Variants in FAM110C observed in about 807,000 individuals in gnomAD.
The protein encoded by FAM110C is protein FAM110C.
Under a neutral mutation model 15.7 loss-of-function variants are expected in FAM110C, and 19 were observed. The ratio of observed to expected loss-of-function variants is 1.21; its 90% CI spans 0.85 to 1.78. FAM110C has a LOEUF of 1.78. FAM110C is among the 40% of genes most tolerant of loss of function. FAM110C has a pLI of 0.00. For synonymous variants in FAM110C, 275 were observed against 233.9 expected (o/e 1.18, Z -1.61); for missense variants, 547 against 495.7 (o/e 1.10, Z -0.98).
intron 1 of FAM110C, chr2:45,074 G>A (rs1450815381): frequency 1.0e-6 from 1 of 985,294 alleles, no homozygotes; most frequent in Admixed American, 6.1e-5. Context: ...GCTGTTTTCA[G>A]CTCAGGAAAG....
Position 46,290 on chromosome 2 carries a change from C to G in FAM110C, c.96G>C (p.Ala32=). 7.4e-7 allele frequency: 1 copy of G among 1,349,602 alleles called. No homozygotes were observed. Among genetic ancestry groups the G allele is most frequent in the Non-Finnish European group, 9.5e-7 (1 of 1,055,136 alleles). 83.6% of individuals were successfully genotyped at this position (1,349,602 alleles called of 1,614,324 possible). The change falls in exon 1 of 2, where the codon GCG becomes GCC. Residue 32 remains alanine (A), a synonymous_variant. Coordinates refer to ENST00000327669, the MANE Select transcript of FAM110C (RefSeq NM_001077710.3). ...CCAGCCTCTCCACTGCGCTCCTGCG[C>G]GCCGGCCGCGCGGCGTCGGGGTCCC... ...ATRDPDAARP[A]RRSAVERLAA...
In FAM110C at chr2:46,025, T is replaced by A; in HGVS notation, c.361A>T (p.Ser121Cys). 1 of 1,502,296 alleles carries A rather than the reference T, an allele frequency of 6.7e-7. No individual in the cohort carries two copies. The highest frequency in any genetic ancestry group is 8.8e-7 in the Non-Finnish European group (1 of 1,132,522). 93.1% of individuals were successfully genotyped at this position (1,502,296 alleles called of 1,614,324 possible). ...CCCTGGAAGAGCTTCTTCACCAGGC[T>A]TGCCCTGGGGCCGTCGGCGCCCGAT... The part of the protein sequence containing the change: ...RGSGADGPRA[S>C]LVKKLFQGPG... The change falls in exon 1 of 2, where the codon AGC (serine) becomes TGC (cysteine). Residue 121 changes from serine to cysteine, a missense_variant. Ser to Cys is a moderately radical substitution (Grantham distance 112). Coordinates refer to ENST00000327669, the MANE Select transcript of FAM110C (RefSeq NM_001077710.3).
At position 41,639 on chromosome 2, in the gene FAM110C, A is replaced by C; in HGVS notation, c.947-12T>G. 6.2e-7 allele frequency: 1 copy of C among 1,613,428 alleles called. No individual in the cohort carries two copies. On this transcript the variant is annotated splice_polypyrimidine_tract_variant and intron_variant, in intron 1 of 1. Coordinates refer to ENST00000327669, the MANE Select transcript of FAM110C (RefSeq NM_001077710.3). ...GGAAGGTTTGCTTCCTGAGGAGTTA[A>C]AGAAAAAATAGTGAATCAACTCCAG...
intron 1 of FAM110C, chr2:43,248 C>T (rs1202800955): frequency 1.0e-6 from 1 of 985,302 alleles, no homozygotes; most frequent in Non-Finnish European, 1.2e-6. Context: ...GTGCTGGTGA[C>T]TGCCAATTCC....
rs1375155915 is a variant in FAM110C at position 46,425 on chromosome 2, G to A, written c.-40C>T. 6.4e-6 allele frequency: 8 copies of A among 1,250,072 alleles called. No individual in the cohort carries two copies. Among genetic ancestry groups the A allele is most frequent in the Non-Finnish European group, 8.0e-6 (8 of 994,142 alleles). 77.4% of individuals were successfully genotyped at this position (1,250,072 alleles called of 1,614,324 possible). A position where few individuals can be genotyped will look rare whatever the true frequency, so the allele number is the denominator to read the frequency against. ...GACCGACCGGGGTTCCGGGTCCAGCGGAGACGCGCTCGAGTGGTAGAGCCA... is the reference window on the plus strand; with the variant it reads ...GACCGACCGGGGTTCCGGGTCCAGCAGAGACGCGCTCGAGTGGTAGAGCCA... On this transcript the variant is annotated 5_prime_UTR_variant, in exon 1 of 2. Coordinates refer to ENST00000327669, the MANE Select transcript of FAM110C (RefSeq NM_001077710.3).
intron 1 of FAM110C, chr2:43,131 T>A (rs1462470341): frequency 1.0e-6 from 1 of 985,344 alleles, no homozygotes; most frequent in Non-Finnish European, 1.2e-6. Flanking sequence ...GTTCTCCTCA[T>A]ACACCCCACC....
In FAM110C at chr2:41,343, G is replaced by T; in HGVS notation, c.*265C>A. On this transcript the variant is annotated 3_prime_UTR_variant, in exon 2 of 2. Transcript: ENST00000327669. Reference sequence around the variant, plus strand: ...CAAAAAGATTTCCAAACAGCTTTACGGTTTCCAGCTGCCCTCTGGAAGCAA... The same window carrying T: ...CAAAAAGATTTCCAAACAGCTTTACTGTTTCCAGCTGCCCTCTGGAAGCAA... 1 of 397,188 alleles carries T rather than the reference G, an allele frequency of 2.5e-6. No homozygotes were observed. Among genetic ancestry groups the T allele is most frequent in the Non-Finnish European group, 4.5e-6 (1 of 224,346 alleles). 24.6% of individuals were successfully genotyped at this position (397,188 alleles called of 1,614,324 possible).
chr2:46,232 G>T lies in FAM110C; in HGVS notation c.154C>A (p.Pro52Thr). 7.1e-7 allele frequency: 1 copy of T among 1,400,454 alleles called. No individual in the cohort carries two copies. Among genetic ancestry groups the T allele is most frequent in the South Asian group, 1.5e-5 (1 of 64,756 alleles). The allele number at this position is 1,400,454 out of a possible 1,614,324, so 86.8% of individuals were successfully genotyped here. ...ADRAKYVRGR[P>T]GTGRGVASEG... ...GAAGCGACGCCCCGGCCAGTCCCCG[G>T]CCGACCCCGCACATACTTGGCGCGA... The change falls in exon 1 of 2, where the codon CCG (proline) becomes ACG (threonine). Residue 52 changes from proline to threonine, a missense_variant. By Grantham distance (38) the Pro-to-Thr change is conservative. Transcript: ENST00000327669.
At chr2:43,938 T>C (rs1664202754) in intron 1 of FAM110C, 3 of 985,344 alleles carry the variant, frequency 3.0e-6, no homozygotes, top group Admixed American at 6.1e-5. Context: ...CTCCCTTCTT[T>C]TTATGGACAA....
At position 41,439 on chromosome 2, in the gene FAM110C, G is replaced by A. The variant is rs1245903229; in HGVS notation, c.*169C>T. The A allele has an allele frequency of 3.2e-6, 2 of 628,970 alleles. No individual in the cohort carries two copies. Among genetic ancestry groups the A allele is most frequent in the Non-Finnish European group, 5.1e-6 (2 of 392,620 alleles). 39.0% of individuals were successfully genotyped at this position (628,970 alleles called of 1,614,324 possible). A position where few individuals can be genotyped will look rare whatever the true frequency, so the allele number is the denominator to read the frequency against. ...CTGTTACAACTCAGCTAAATTTCAA[G>A]GTCTGTGTTCCCATATTCTCTGTAG... On this transcript the variant is annotated 3_prime_UTR_variant, in exon 2 of 2. Transcript: ENST00000327669.
chr2:45,419 C>A (rs1322765141), intron 1 of FAM110C, 21 bp downstream of exon 1: 1 of 1,590,218 alleles, frequency 6.3e-7, no homozygotes, highest in Non-Finnish European at 8.6e-7. Context: ...CAGCCCCGCC[C>A]CCAGCCTTCT....
Position 45,525 on chromosome 2 carries a change from G to A in FAM110C, c.861C>T (p.Ile287=), listed in dbSNP as rs370774708. The A allele has an allele frequency of 2.1e-4, 332 of 1,614,008 alleles. No individual in the cohort carries two copies. Among genetic ancestry groups the A allele is most frequent in the Non-Finnish European group, 2.7e-4 (321 of 1,180,040 alleles). The change falls in exon 1 of 2, where the codon ATC becomes ATT. Residue 287 remains isoleucine (I), a synonymous_variant. Coordinates refer to ENST00000327669, the MANE Select transcript of FAM110C (RefSeq NM_001077710.3). The part of the protein sequence containing the change: ...IEQVPSTTSV[I]ERNARIIKWL... ...ACTTGATGATGCGGGCGTTCCTCTC[G>A]ATGACCGAAGTGGTGCTGGGCACCT...
chr2:46,453 C>T lies in FAM110C; in HGVS notation c.-68G>A, dbSNP rs2103275041. On this transcript the variant is annotated 5_prime_UTR_variant, in exon 1 of 2. Coordinates refer to ENST00000327669, the MANE Select transcript of FAM110C (RefSeq NM_001077710.3). ...GACGCGCTCGAGTGGTAGAGCCAGT[C>T]AGTCCCAGGGCCGGTTCCGAAGTCC... The T allele has an allele frequency of 1.7e-6, 2 of 1,194,102 alleles. No individual in the cohort carries two copies. Among genetic ancestry groups the T allele is most frequent in the Non-Finnish European group, 2.1e-6 (2 of 943,368 alleles). 74.0% of individuals were successfully genotyped at this position (1,194,102 alleles called of 1,614,324 possible).
In FAM110C at chr2:39,867, A is replaced by C. The variant is rs1664078966; in HGVS notation, c.*1741T>G. On this transcript the variant is annotated 3_prime_UTR_variant, in exon 2 of 2. Transcript: ENST00000327669. ...GGTATATGAAAAGATCCTTTAAAAA[A>C]CTGCTCTCATCTTTCACATTATCTT... 6.6e-6 allele frequency: 1 copy of C among 152,210 alleles called. No homozygotes were observed. The highest frequency in any genetic ancestry group is 6.5e-5 in the Admixed American group (1 of 15,278). The allele number at this position is 152,210 out of a possible 1,614,324, so 9.4% of individuals were successfully genotyped here. A position where few individuals can be genotyped will look rare whatever the true frequency, so the allele number is the denominator to read the frequency against.
Position 40,400 on chromosome 2 carries a change from T to A in FAM110C, c.*1208A>T, listed in dbSNP as rs1207904333. On this transcript the variant is annotated 3_prime_UTR_variant, in exon 2 of 2. Transcript: ENST00000327669. ...CTCCACATTCTTCTCTCTAACGATT[T>A]TCTTCTTGAAAAGATATATTTTGAT... 2.0e-5 allele frequency: 3 copies of A among 152,222 alleles called. No individual in the cohort carries two copies. Among genetic ancestry groups the A allele is most frequent in the Non-Finnish European group, 4.4e-5 (3 of 68,038 alleles). 9.4% of individuals were successfully genotyped at this position (152,222 alleles called of 1,614,324 possible).
At position 44,846 on chromosome 2, in the gene FAM110C, G is replaced by C. The variant is rs147888966; in HGVS notation, c.946+594C>G. ...TTTAAATAAAATTTAGCCAAATAAA[G>C]ATCTTTGTTGCTAAGTGAATGCCAA... On this transcript the variant is annotated intron_variant, in intron 1 of 1. Transcript: ENST00000327669. 2.3e-5 allele frequency: 23 copies of C among 985,354 alleles called. No homozygotes were observed. The East Asian group carries it at 2.2e-3, about 92-fold the overall frequency. 61.0% of individuals were successfully genotyped at this position (985,354 alleles called of 1,614,324 possible).
Position 46,368 on chromosome 2 carries a change from G to T in FAM110C, c.18C>A (p.Ala6=). The change falls in exon 1 of 2, where the codon GCC becomes GCA. Residue 6 remains alanine, a synonymous_variant. Coordinates refer to ENST00000327669, the MANE Select transcript of FAM110C (RefSeq NM_001077710.3). MRALA[A]LSAPPNERLL... Reference sequence around the variant, plus strand: ...GCCGCTCGTTCGGGGGCGCGCTCAGGGCCGCCAGGGCGCGCATCTTCGCGG... The same window carrying T: ...GCCGCTCGTTCGGGGGCGCGCTCAGTGCCGCCAGGGCGCGCATCTTCGCGG... 7.7e-7 allele frequency: 1 copy of T among 1,299,102 alleles called. No individual in the cohort carries two copies. The highest frequency in any genetic ancestry group is 3.1e-5 in the East Asian group (1 of 31,834). 80.5% of individuals were successfully genotyped at this position (1,299,102 alleles called of 1,614,324 possible). A position where few individuals can be genotyped will look rare whatever the true frequency, so the allele number is the denominator to read the frequency against.
rs778507219 is a variant in FAM110C, at chr2:41,142, G to C, written c.*466C>G. The stretch of plus-strand genomic sequence containing the variant: ...ACTCTTATTTGACCACATAATTGAA[G>C]TAGAATATGCCTTTTTATGATTACT... On this transcript the variant is annotated 3_prime_UTR_variant, in exon 2 of 2. Coordinates refer to ENST00000327669, the MANE Select transcript of FAM110C (RefSeq NM_001077710.3). The C allele has an allele frequency of 6.5e-6, 1 of 154,514 alleles. No individual in the cohort carries two copies. The highest frequency in any genetic ancestry group is 2.4e-5 in the African/African-American group (1 of 41,568). 9.6% of individuals were successfully genotyped at this position (154,514 alleles called of 1,614,324 possible). A position where few individuals can be genotyped will look rare whatever the true frequency, so the allele number is the denominator to read the frequency against.
rs1162692676 is a variant in FAM110C at position 41,263 on chromosome 2, AT to A, written c.*344del. The A allele has an allele frequency of 3.9e-6, 1 of 257,862 alleles. No homozygotes were observed. Among genetic ancestry groups the A allele is most frequent in the East Asian group, 7.4e-5 (1 of 13,600 alleles). 16.0% of individuals were successfully genotyped at this position (257,862 alleles called of 1,614,324 possible). A position where few individuals can be genotyped will look rare whatever the true frequency, so the allele number is the denominator to read the frequency against. On this transcript the variant is annotated 3_prime_UTR_variant, in exon 2 of 2. Transcript: ENST00000327669. ...TTTATTTTCCTTGATTTAAAAAAAA[AT>A]CAACTTAGATATTGTTAAAATGCAT...
Sources: allele counts gnomAD v4.1 joint callset, GRCh38; gene constraint gnomAD v4.1.1; transcripts MANE v1.5; gene names NCBI Gene and HGNC (gene_info 2026-07-23, HGNC 2026-07-21).